The following GABRA1 variants were observed in gnomAD, a reference collection of about 807,000 sequenced individuals.
The protein encoded by GABRA1 is gamma-aminobutyric acid type A receptor subunit alpha1.
Under a neutral mutation model 48.9 loss-of-function variants are expected in GABRA1, and 9 were observed. The observed-to-expected ratio is 0.18, with a 90% confidence interval of 0.11 to 0.32. The LOEUF is 0.32. Ranked by LOEUF, GABRA1 falls within the 10% of genes least tolerant of loss-of-function variation. GABRA1 has a pLI of 1.00. For synonymous variants in GABRA1, 210 were observed against 198.7 expected, an observed-to-expected ratio of 1.06 and a Z score of -0.48; for missense variants, 285 against 553.8, an observed-to-expected ratio of 0.51 and a Z score of 4.87.
At chr5:161,872,161 G>A (rs1754148438) in intron 4 of GABRA1, 1 of 152,652 alleles carries the variant, frequency 6.6e-6, no homozygotes. Flanking sequence ...AGTATACTTA[G>A]ATTAACGGAG....
intron 3 of GABRA1, among the ~76,000 whole-genome samples, chr5:161,858,513 C>A (rs1285765773): frequency 6.6e-6 from 1 of 151,682 alleles, no homozygotes; most frequent in Non-Finnish European, 1.5e-5. Context: ...TTACAATAAG[C>A]CAAAATCCCA....
At chr5:161,865,632 A>C in intron 3 of GABRA1, 89 bp from the exon 4 acceptor site, 1 of 1,019,278 alleles carries the variant, frequency 9.8e-7, no homozygotes, top group South Asian at 1.3e-5. Flanking sequence ...AAAGACAATC[A>C]ATTTCCCATT....
intron 3 of GABRA1, among the ~76,000 whole-genome samples, chr5:161,863,207 T>C (rs1318922899): frequency 3.3e-5 from 5 of 151,814 alleles, no homozygotes; most frequent in African/African-American, 1.2e-4. Context: ...AGTGAGGATG[T>C]GGTTTGAGGA....
chr5:161,859,470 T>C (rs1757769393), intron 3 of GABRA1, among the ~76,000 whole-genome samples: 2 of 151,740 alleles, frequency 1.3e-5, no homozygotes, highest in Admixed American at 6.6e-5. Context: ...CATTTCTTTA[T>C]GTAAAAGTAA....
chr5:161,868,618 T>G (rs1753978901), intron 4 of GABRA1, among the ~76,000 whole-genome samples: 1 of 152,108 alleles, frequency 6.6e-6, no homozygotes, highest in Non-Finnish European at 1.5e-5. Flanking sequence ...AATGTAAAAT[T>G]TGCTTAATGG....
At chr5:161,852,565 C>T (rs923364891) in intron 2 of GABRA1, among the ~76,000 whole-genome samples, 5 of 151,832 alleles carry the variant, frequency 3.3e-5, no homozygotes, top group Admixed American at 2.0e-4. Context: ...ATTGCATTCA[C>T]AAAACTATTT....
intron 5 of GABRA1, 21 bp downstream of exon 5, chr5:161,873,358 A>G: frequency 6.4e-7 from 1 of 1,565,110 alleles, no homozygotes; most frequent in Non-Finnish European, 8.8e-7. Context: ...CTGCACTGCC[A>G]TTCATGAATG....
chr5:161,849,297 A>G (rs1206562100), intron 1 of GABRA1, among the ~76,000 whole-genome samples: 1 of 152,198 alleles, frequency 6.6e-6, no homozygotes, highest in African/African-American at 2.4e-5. Flanking sequence ...AACAAAAATT[A>G]ATAGGGCTAA....
intron 6 of GABRA1, among the ~76,000 whole-genome samples, chr5:161,881,133 G>A (rs1161454224): frequency 6.6e-6 from 1 of 152,196 alleles, no homozygotes; most frequent in African/African-American, 2.4e-5. Context: ...CAGGCCCTGT[G>A]CCTAATGGAG....
intron 7 of GABRA1, among the ~76,000 whole-genome samples, chr5:161,886,988 A>G (rs951094539): frequency 2.6e-5 from 4 of 152,248 alleles, no homozygotes; most frequent in Non-Finnish European, 5.9e-5. Flanking sequence ...GCCATGAAAT[A>G]TAACTTATAA....
rs1297892066 is a variant in GABRA1, at chr5:161,899,422, G to A, written c.*2000G>A. ...TTATGGCTCTAACTTCTGTGTTGCT[G>A]TTTATCTTGTTATTTTTCGGCGTTA... is the stretch of plus-strand genomic sequence containing the variant. On this transcript the variant is annotated 3_prime_UTR_variant, in exon 10 of 10. Transcript: ENST00000393943. 6.6e-6 allele frequency: 1 copy of A among 152,274 alleles called. No individual in the cohort carries two copies. Among genetic ancestry groups the A allele is most frequent in the South Asian group, 2.1e-4 (1 of 4,824 alleles). The allele number at this position is 152,274 out of a possible 1,614,324, so 9.4% of individuals were successfully genotyped here. A position where few individuals can be genotyped will look rare whatever the true frequency, so the allele number is the denominator to read the frequency against.
At chr5:161,890,835 C>A (rs994048314) in intron 7 of GABRA1, 63 bp from the exon 8 acceptor site, 1 of 1,451,874 alleles carries the variant, frequency 6.9e-7, no homozygotes, top group Non-Finnish European at 9.7e-7. Context: ...TCATAGTAAA[C>A]CTCAGAGATT....
chr5:161,858,116 T>C (rs1354889110), intron 3 of GABRA1, among the ~76,000 whole-genome samples: 1 of 151,528 alleles, frequency 6.6e-6, no homozygotes, highest in African/African-American at 2.4e-5. Context: ...CTCATGAGCC[T>C]GGGGAGACTC....
At chr5:161,885,530 A>C (rs952755226) in intron 7 of GABRA1, among the ~76,000 whole-genome samples, 3 of 152,140 alleles carry the variant, frequency 2.0e-5, no homozygotes, top group Non-Finnish European at 2.9e-5. Context: ...CCACCAACAC[A>C]TGGGAAAACA....
At chr5:161,857,512 T>G (rs1328670146) in intron 3 of GABRA1, among the ~76,000 whole-genome samples, 1 of 151,592 alleles carries the variant, frequency 6.6e-6, no homozygotes, top group Admixed American at 6.6e-5. Flanking sequence ...AAAACTATTT[T>G]AAAAGACTGC....
chr5:161,873,063 T>C lies in GABRA1; in HGVS notation c.256-54T>C. The stretch of plus-strand genomic sequence containing the variant: ...TTATGCACTGTCTGCGTTAGATATT[T>C]GCATTGCAAAATACAGCACAGTGAA... On this transcript the variant is annotated intron_variant, in intron 4 of 9. Coordinates refer to ENST00000393943, the MANE Select transcript of GABRA1 (RefSeq NM_001127644.2). 3.7e-6 allele frequency: 5 copies of C among 1,353,196 alleles called. No homozygotes were observed. In the Admixed American group the frequency reaches 8.4e-5, roughly 23 times the overall value. 83.8% of individuals were successfully genotyped at this position (1,353,196 alleles called of 1,614,324 possible). A position where few individuals can be genotyped will look rare whatever the true frequency, so the allele number is the denominator to read the frequency against.
rs1581175017 is a variant in GABRA1 at position 161,850,849 on chromosome 5, C to G, written c.39C>G (p.Ala13=). Residue 13 remains alanine (A), a synonymous_variant, in exon 2 of 10, where the codon GCC becomes GCG. Coordinates refer to ENST00000393943, the MANE Select transcript of GABRA1 (RefSeq NM_001127644.2). ...CAGGTCTGTCTGACTGTCTTTGGGC[C>G]TGGATCCTCCTTCTGAGCACACTGA... The part of the protein sequence containing the change: ...KSPGLSDCLW[A]WILLLSTLTG... 1.9e-6 allele frequency: 3 copies of G among 1,614,044 alleles called. No individual in the cohort carries two copies. The highest frequency in any genetic ancestry group is 2.5e-6 in the Non-Finnish European group (3 of 1,179,942).
At chr5:161,878,826 A>C (rs2113400450) in intron 6 of GABRA1, among the ~76,000 whole-genome samples, 1 of 152,336 alleles carries the variant, frequency 6.6e-6, no homozygotes, top group East Asian at 1.9e-4. Flanking sequence ...GAATCTATTA[A>C]GGCCTTAATA....
intron 7 of GABRA1, among the ~76,000 whole-genome samples, chr5:161,883,235 G>A (rs975159933): frequency 2.0e-5 from 3 of 152,148 alleles, no homozygotes; most frequent in Admixed American, 6.6e-5. Context: ...CTACAAATTC[G>A]TTTGTATCTC....
Sources: gnomAD v4.1 joint callset for allele counts (sites outside exome capture counted in the v4.1 genomes callset) on GRCh38, gnomAD v4.1.1 for gene constraint, MANE v1.5 for transcripts, NCBI Gene and HGNC (gene_info 2026-07-23, HGNC 2026-07-21) for gene names.